The following PRDM10 variants were observed in gnomAD, a reference collection of about 807,000 sequenced individuals.
PRDM10 encodes the protein PR/SET domain 10, also known as PR domain zinc finger protein 10.
A neutral mutation model predicts 133.1 loss-of-function variants in PRDM10; 65 were observed. The ratio of observed to expected loss-of-function variants is 0.49; its 90% CI spans 0.40 to 0.60. PRDM10 has a LOEUF of 0.60. Among genes scored for constraint, PRDM10 ranks in the 20% least tolerant of loss-of-function variants. The pLI is 0.00. For synonymous variants in PRDM10, 582 were observed against 580.4 expected (o/e 1.00, Z -0.04); for missense variants, 1,137 against 1,507.1 (o/e 0.75, Z 4.07).
In PRDM10 at chr11:129,989,931, G is replaced by A. The variant is rs940411519; in HGVS notation, c.-119+12791C>T. Among the ~76,000 whole-genome samples, 6 of 152,220 alleles carry A rather than the reference G, an allele frequency of 3.9e-5. No individual in the cohort carries two copies. The South Asian group carries it at 6.2e-4, about 16-fold the overall frequency. ...TAAGAAGAAAACTCAGGCCGGGCAC[G>A]GTGGCTCATGCCTGTAATCCCAGCA... is the stretch of plus-strand genomic sequence containing the variant. On this transcript the variant is annotated intron_variant, in intron 1 of 20. Coordinates refer to ENST00000360871, the MANE Select transcript of PRDM10 (RefSeq NM_199437.2).
rs1440599433 is a variant in PRDM10 at position 129,900,718 on chromosome 11, T to C, written c.*1595A>G. 1 of 152,222 alleles carries C rather than the reference T, an allele frequency of 6.6e-6. No homozygotes were observed. 9.4% of individuals were successfully genotyped at this position (152,222 alleles called of 1,614,324 possible). A position where few individuals can be genotyped will look rare whatever the true frequency, so the allele number is the denominator to read the frequency against. ...GTTTTGCAATGCAGGGTCAATATTT[T>C]CTGTTGAATATCTTTGTCACAAAGA... is the stretch of plus-strand genomic sequence containing the variant. On this transcript the variant is annotated 3_prime_UTR_variant, in exon 21 of 21. Coordinates refer to ENST00000360871, the MANE Select transcript of PRDM10 (RefSeq NM_199437.2).
rs999564872 is a variant in PRDM10 at position 129,923,065 on chromosome 11, G to A, written c.2034+183C>T. Among the ~76,000 whole-genome samples, 10 of 152,226 alleles carry A rather than the reference G, an allele frequency of 6.6e-5. No individual in the cohort carries two copies. Among genetic ancestry groups the A allele is most frequent in the Admixed American group, 2.0e-4 (3 of 15,294 alleles). On this transcript the variant is annotated intron_variant, in intron 13 of 20. Coordinates refer to ENST00000360871, the MANE Select transcript of PRDM10 (RefSeq NM_199437.2). The surrounding 1 kb of genome is among the most constrained non-coding windows in gnomAD (Gnocchi z 4.4). ...TGGGGATTTGAATTAACTATTTTGA[G>A]GAAATGAGTAAGTTTTCCCCCTTAA... is the stretch of plus-strand genomic sequence containing the variant.
At chr11:129,968,633 C>A (rs1484935493) in intron 1 of PRDM10, among the ~76,000 whole-genome samples, 1 of 150,054 alleles carries the variant, frequency 6.7e-6, no homozygotes, top group African/African-American at 2.5e-5. Context: ...CAGCCTCATT[C>A]CTAACATCAC....
intron 20 of PRDM10, among the ~76,000 whole-genome samples, chr11:129,904,698 C>T (rs1023231627): frequency 9.2e-5 from 14 of 152,164 alleles, no homozygotes; most frequent in Admixed American, 7.9e-4. Context: ...CAGGGTTTTG[C>T]CACGTTGGCC....
intron 1 of PRDM10, among the ~76,000 whole-genome samples, chr11:129,963,402 A>G (rs200294278): frequency 8.1e-6 from 1 of 122,868 alleles, no homozygotes; most frequent in Non-Finnish European, 1.6e-5. Flanking sequence ...AAGAGAAGAG[A>G]AGAGAAGAGA....
At chr11:129,999,896 G>A (rs1939251365) in intron 1 of PRDM10, among the ~76,000 whole-genome samples, 4 of 151,952 alleles carry the variant, frequency 2.6e-5, no homozygotes. Flanking sequence ...TTTACGTCTT[G>A]TTTTAAAAAC....
chr11:129,927,942 G>A (rs1234665932), intron 11 of PRDM10, among the ~76,000 whole-genome samples: 4 of 152,018 alleles, frequency 2.6e-5, no homozygotes, highest in East Asian at 1.9e-4. Context: ...TCCTGAGTTC[G>A]TCAGGCAATC....
chr11:129,922,685 T>C (rs1169083164), intron 13 of PRDM10, among the ~76,000 whole-genome samples: 1 of 152,222 alleles, frequency 6.6e-6, no homozygotes, highest in Non-Finnish European at 1.5e-5. Context: ...TTTACATTTA[T>C]TTATTTAACT....
chr11:129,980,496 T>C (rs961152530), intron 1 of PRDM10, among the ~76,000 whole-genome samples: 2 of 152,152 alleles, frequency 1.3e-5, no homozygotes, highest in Non-Finnish European at 2.9e-5. Context: ...ATTAGTTAGA[T>C]TCTCAGCTTC....
At chr11:129,935,010 A>G in intron 9 of PRDM10, 91 bp downstream of exon 9, 2 of 1,107,972 alleles carry the variant, frequency 1.8e-6, no homozygotes, top group Non-Finnish European at 2.7e-6. Context: ...TATACATGAC[A>G]CTCGGAGACA....
At chr11:129,940,766 A>T (rs1182734102) in intron 7 of PRDM10, among the ~76,000 whole-genome samples, 1 of 152,106 alleles carries the variant, frequency 6.6e-6, no homozygotes, top group Non-Finnish European at 1.5e-5. Flanking sequence ...ACATTTGTTC[A>T]TTTGTCCATC....
chr11:129,972,344 G>C (rs1027721606), intron 1 of PRDM10, among the ~76,000 whole-genome samples: 2 of 152,258 alleles, frequency 1.3e-5, no homozygotes, highest in Non-Finnish European at 2.9e-5. Flanking sequence ...TGCCGAGAGC[G>C]AGCGAGGGCT....
chr11:129,915,134 A>G, intron 16 of PRDM10, 116 bp from the exon 17 acceptor site: 1 of 1,076,588 alleles, frequency 9.3e-7, no homozygotes, highest in Non-Finnish European at 1.3e-6. Flanking sequence ...AAAAAGAAAA[A>G]TCAGAGCAAC....
chr11:129,920,047 A>T (rs561463104), intron 13 of PRDM10, among the ~76,000 whole-genome samples: 83 of 152,342 alleles, frequency 5.4e-4, no homozygotes, highest in African/African-American at 1.9e-3. Flanking sequence ...ATACAATGGC[A>T]AAGCACTGTT....
At position 129,918,517 on chromosome 11, in the gene PRDM10, C is replaced by T. The variant is rs757275249; in HGVS notation, c.2214+22G>A. 6 of 1,606,526 alleles carry T rather than the reference C, an allele frequency of 3.7e-6. No individual in the cohort carries two copies. The highest frequency in any genetic ancestry group is 2.7e-5 in the African/African-American group (2 of 74,610). ...GAGGTATGCTGGGAAGACAGAGGAACCCGCAGCCACTGGGCACTGACCAGC... is the reference window on the plus strand; with the variant it reads ...GAGGTATGCTGGGAAGACAGAGGAATCCGCAGCCACTGGGCACTGACCAGC... On this transcript the variant is annotated intron_variant, in intron 14 of 20. Transcript: ENST00000360871. The surrounding 1 kb of genome is among the most constrained non-coding windows in gnomAD (Gnocchi z 5.3).
chr11:129,947,495 A>T lies in PRDM10; in HGVS notation c.295-125T>A. 6.5e-7 allele frequency: 1 copy of T among 1,530,890 alleles called. No individual in the cohort carries two copies. The highest frequency in any genetic ancestry group is 8.8e-7 in the Non-Finnish European group (1 of 1,140,004). 94.8% of individuals were successfully genotyped at this position (1,530,890 alleles called of 1,614,324 possible). A position where few individuals can be genotyped will look rare whatever the true frequency, so the allele number is the denominator to read the frequency against. On this transcript the variant is annotated intron_variant, in intron 4 of 20. Coordinates refer to ENST00000360871, the MANE Select transcript of PRDM10 (RefSeq NM_199437.2). This position sits in a 1 kb window ranked among gnomAD's most constrained non-coding sequence, Gnocchi z 4.6. Reference sequence around the variant, plus strand: ...TCTAGTCTTCCTACCAACTCCTTCCAGGCCCTGGAAAAATGACTTCCATCT... The same window carrying T: ...TCTAGTCTTCCTACCAACTCCTTCCTGGCCCTGGAAAAATGACTTCCATCT...
chr11:129,968,963 C>G (rs1457167585), intron 1 of PRDM10, among the ~76,000 whole-genome samples: 1 of 152,162 alleles, frequency 6.6e-6, no homozygotes, highest in Non-Finnish European at 1.5e-5. Context: ...GGAAAAACCT[C>G]AAGGCAGCAA....
At position 129,923,181 on chromosome 11, in the gene PRDM10, T is replaced by G; in HGVS notation, c.2034+67A>C. The stretch of plus-strand genomic sequence containing the variant: ...ATAAACTGATGAAATGAACAGGCAT[T>G]TACCCTCAGCTTGCTATAATTCCAG... On this transcript the variant is annotated intron_variant, in intron 13 of 20. Coordinates refer to ENST00000360871, the MANE Select transcript of PRDM10 (RefSeq NM_199437.2). This position sits in a 1 kb window ranked among gnomAD's most constrained non-coding sequence, Gnocchi z 4.4. 3.4e-6 allele frequency: 5 copies of G among 1,472,626 alleles called. No individual in the cohort carries two copies. The highest frequency in any genetic ancestry group is 3.6e-6 in the Non-Finnish European group (4 of 1,102,916). The allele number at this position is 1,472,626 out of a possible 1,614,324, so 91.2% of individuals were successfully genotyped here. A position where few individuals can be genotyped will look rare whatever the true frequency, so the allele number is the denominator to read the frequency against.
At position 129,992,786 on chromosome 11, in the gene PRDM10, A is replaced by G. The variant is rs112198383; in HGVS notation, c.-119+9936T>C. Among the ~76,000 whole-genome samples the G allele has an allele frequency of 3.5e-3, 539 of 152,368 alleles. 4 individuals are homozygous for G. Among genetic ancestry groups the G allele is most frequent in the African/African-American group, 0.012 (516 of 41,580 alleles). On this transcript the variant is annotated intron_variant, in intron 1 of 20. Transcript: ENST00000360871. ...CCTATTCTGTTTCCAGCATTCTTTT[A>G]GGAACTGAAGAAGACATTGGATGGA...
Sources: allele counts gnomAD v4.1 joint callset (sites outside exome capture counted in the v4.1 genomes callset), GRCh38; gene constraint gnomAD v4.1.1; non-coding constraint Gnocchi (gnomAD v3.1); transcripts MANE v1.5; gene names NCBI Gene and HGNC (gene_info 2026-07-23, HGNC 2026-07-21).